The following WDR37 variants were observed in gnomAD, a reference collection of about 807,000 sequenced individuals.
WDR37 encodes WD repeat domain 37.
Under a neutral mutation model 62.9 loss-of-function variants are expected in WDR37, and 19 were observed. The observed-to-expected ratio is 0.30, with a 90% CI of 0.21 to 0.44. The LOEUF (loss-of-function observed/expected upper bound fraction) is 0.44. WDR37 is among the 20% of genes least tolerant of loss of function. The pLI is 1.00. For synonymous variants in WDR37, 250 were observed against 260.9 expected (o/e 0.96, Z 0.40); for missense variants, 474 against 657.6 (o/e 0.72, Z 3.05).
At chr10:1,069,389 A>ATATTTTTTTTTTTTTTTTTTTTTTTTTT in intron 1 of WDR37, among the ~76,000 whole-genome samples, 1 of 95,806 alleles carries the variant, frequency 1.0e-5, no homozygotes, top group East Asian at 3.4e-4. Context: ...ATATATATAT[A>ATATTTTTTTTTTTTTTTTTTTTTTTTTT]TTTTTTTTTT....
chr10:1,080,119 C>A lies in WDR37; in HGVS notation c.331+13C>A. On this transcript the variant is annotated intron_variant, in intron 4 of 13. Transcript: ENST00000263150. ...CTCAAAACAAAAGGTAAGGTGAATCCCATGAAAGTCTTGTCCTGCAGATTA... is the reference window on the plus strand; with the variant it reads ...CTCAAAACAAAAGGTAAGGTGAATCACATGAAAGTCTTGTCCTGCAGATTA... 1 of 1,613,184 alleles carries A rather than the reference C, an allele frequency of 6.2e-7. No homozygotes were observed. Among genetic ancestry groups the A allele is most frequent in the South Asian group, 1.1e-5 (1 of 90,966 alleles).
chr10:1,105,515 T>C lies in WDR37; in HGVS notation c.1103+248T>C, dbSNP rs1834973328. On this transcript the variant is annotated intron_variant, in intron 11 of 13. Transcript: ENST00000263150. The surrounding 1 kb of genome is among the most constrained non-coding windows in gnomAD (Gnocchi z 5.3). ...CTCAAGAAGTTTAATGCAGACAGAATGGGGGAGTGGGTGGAGAGGGTTAGA... is the reference window on the plus strand; with the variant it reads ...CTCAAGAAGTTTAATGCAGACAGAACGGGGGAGTGGGTGGAGAGGGTTAGA... Among the ~76,000 whole-genome samples the C allele has an allele frequency of 1.3e-5, 2 of 152,046 alleles. No homozygotes were observed. Among genetic ancestry groups the C allele is most frequent in the African/African-American group, 4.8e-5 (2 of 41,398 alleles).
At position 1,103,687 on chromosome 10, in the gene WDR37, G is replaced by A. The variant is rs1284681336; in HGVS notation, c.812G>A (p.Arg271His). ...GDVSSDCPTIRVPLTSLKSHQ... is the reference protein window; with the variant it reads ...GDVSSDCPTIHVPLTSLKSHQ... ...GTGTCCAGCGACTGCCCCACCATCC[G>A]CGTCCCACTGACATCCCTCAAGAGC... Residue 271 changes from arginine (R) to histidine (H), a missense_variant, in exon 10 of 14, where the codon CGC (arginine) becomes CAC (histidine). Transcript: ENST00000263150. The surrounding 1 kb of genome is among the most constrained non-coding windows in gnomAD (Gnocchi z 6.3). 2.5e-6 allele frequency: 4 copies of A among 1,614,068 alleles called. No individual in the cohort carries two copies. The highest frequency in any genetic ancestry group is 2.7e-5 in the African/African-American group (2 of 74,918).
intron 1 of WDR37, among the ~76,000 whole-genome samples, chr10:1,060,205 T>C (rs1425494375): frequency 5.3e-5 from 8 of 152,220 alleles, no homozygotes; most frequent in African/African-American, 1.9e-4. Context: ...TGGGTTTCAT[T>C]AATTAGTCGA....
At position 1,084,474 on chromosome 10, in the gene WDR37, G is replaced by T. The variant is rs1433942300; in HGVS notation, c.468G>T (p.Arg156=). The change falls in exon 6 of 14, where the codon CGG becomes CGT. Residue 156 remains arginine, a synonymous_variant. Coordinates refer to ENST00000263150, the MANE Select transcript of WDR37 (RefSeq NM_014023.4). ...TCGTGAAGGAGTACATCGGCCACCG[G>T]GACGGCATCTGGGATGTCAGCGTGG... is the stretch of plus-strand genomic sequence containing the variant. ...CQLVKEYIGH[R]DGIWDVSVAK... 5 of 1,614,072 alleles carry T rather than the reference G, an allele frequency of 3.1e-6. No individual in the cohort carries two copies. Among genetic ancestry groups the T allele is most frequent in the Non-Finnish European group, 4.2e-6 (5 of 1,180,036 alleles).
intron 1 of WDR37, among the ~76,000 whole-genome samples, chr10:1,062,992 A>G (rs1833418901): frequency 6.6e-6 from 1 of 151,576 alleles, no homozygotes; most frequent in Non-Finnish European, 1.5e-5. Flanking sequence ...AGGCTGAGGT[A>G]GGAGAATTGC....
intron 1 of WDR37, among the ~76,000 whole-genome samples, chr10:1,071,490 A>G (rs958116596): frequency 2.0e-5 from 3 of 152,198 alleles, no homozygotes; most frequent in Non-Finnish European, 4.4e-5. Context: ...AAATGCCCAA[A>G]GTGGGTAAAT....
chr10:1,098,090 G>T (rs997352515), intron 9 of WDR37, among the ~76,000 whole-genome samples: 1 of 152,300 alleles, frequency 6.6e-6, no homozygotes, highest in African/African-American at 2.4e-5. Flanking sequence ...GGGACAGGAT[G>T]TTCTCAACTG....
At chr10:1,126,646 A>G (rs1432710747) in intron 13 of WDR37, among the ~76,000 whole-genome samples, 1 of 152,138 alleles carries the variant, frequency 6.6e-6, no homozygotes, top group Non-Finnish European at 1.5e-5. Flanking sequence ...TTCTGTGGAC[A>G]CCAGCTCATG....
intron 3 of WDR37, 92 bp downstream of exon 3, chr10:1,078,095 T>C: frequency 9.9e-7 from 1 of 1,006,022 alleles, no homozygotes; most frequent in Non-Finnish European, 1.4e-6. Context: ...TAGTTTTCTG[T>C]TCTGCTGTAG....
chr10:1,115,536 A>G (rs988854507), intron 11 of WDR37, among the ~76,000 whole-genome samples: 1 of 152,210 alleles, frequency 6.6e-6, no homozygotes, highest in Non-Finnish European at 1.5e-5. Context: ...ATGCTTTTAA[A>G]GGGAAAAGAT....
chr10:1,092,586 C>G (rs1834432441), intron 7 of WDR37, among the ~76,000 whole-genome samples: 1 of 151,824 alleles, frequency 6.6e-6, no homozygotes, highest in Admixed American at 6.6e-5. Context: ...TCTCGATCTC[C>G]TGACCTCGTG....
At position 1,056,763 on chromosome 10, in the gene WDR37, A is replaced by C. The variant is rs1416868393; in HGVS notation, c.-246A>C. The C allele has an allele frequency of 1.3e-5, 2 of 152,110 alleles. No homozygotes were observed. Among genetic ancestry groups the C allele is most frequent in the Admixed American group, 1.3e-4 (2 of 15,272 alleles). 9.4% of individuals were successfully genotyped at this position (152,110 alleles called of 1,614,324 possible). A position where few individuals can be genotyped will look rare whatever the true frequency, so the allele number is the denominator to read the frequency against. On this transcript the variant is annotated 5_prime_UTR_variant, in exon 1 of 14. Coordinates refer to ENST00000263150, the MANE Select transcript of WDR37 (RefSeq NM_014023.4). ...CGGAGGTGTGGGGCGGCTTCCGGAGAACCCAGCGGCGCGGGACTGGGGCGG... is the reference window on the plus strand; with the variant it reads ...CGGAGGTGTGGGGCGGCTTCCGGAGCACCCAGCGGCGCGGGACTGGGGCGG...
At position 1,123,966 on chromosome 10, in the gene WDR37, C is replaced by T. The variant is rs145061687; in HGVS notation, c.1104-252C>T. On this transcript the variant is annotated intron_variant, in intron 11 of 13. Coordinates refer to ENST00000263150, the MANE Select transcript of WDR37 (RefSeq NM_014023.4). ...AACCCTACTTTCTGTAACCTCTCTTCGTTCCGTTGCCTGTAGATGTGGAAT... is the reference window on the plus strand; with the variant it reads ...AACCCTACTTTCTGTAACCTCTCTTTGTTCCGTTGCCTGTAGATGTGGAAT... The T allele has an allele frequency of 2.0e-4, 94 of 464,844 alleles. No individual in the cohort carries two copies. The East Asian group carries it at 3.0e-3, about 15-fold the overall frequency. 28.8% of individuals were successfully genotyped at this position (464,844 alleles called of 1,614,324 possible). A position where few individuals can be genotyped will look rare whatever the true frequency, so the allele number is the denominator to read the frequency against.
At chr10:1,124,452 C>T (rs1228182223) in intron 12 of WDR37, 100 bp downstream of exon 12, 29 of 1,520,954 alleles carry the variant, frequency 1.9e-5, no homozygotes, top group African/African-American at 2.7e-5. Context: ...GATAGAACCC[C>T]GGGAACAATG....
intron 11 of WDR37, chr10:1,123,793 AGTT>A (rs1315535863): frequency 1.9e-5 from 3 of 156,426 alleles, no homozygotes; most frequent in African/African-American, 4.8e-5. Context: ...ATTGATTGAG[AGTT>A]GTTGTTGGAA....
chr10:1,124,832 C>A, intron 12 of WDR37, 78 bp from the exon 13 acceptor site: 1 of 1,546,574 alleles, frequency 6.5e-7, no homozygotes, highest in Non-Finnish European at 8.8e-7. Flanking sequence ...ATGGAACCTC[C>A]TGCTTCATTA....
chr10:1,057,333 G>A (rs1010252540), intron 1 of WDR37, among the ~76,000 whole-genome samples: 4 of 5,358 alleles, frequency 7.5e-4, no homozygotes, highest in Non-Finnish European at 2.0e-3. Context: ...GGGGTTGGGG[G>A]CAGAAGGGTT....
chr10:1,077,780 T>C (rs912255924), intron 2 of WDR37, 127 bp from the exon 3 acceptor site: 1 of 713,666 alleles, frequency 1.4e-6, no homozygotes, highest in African/African-American at 1.9e-5. Context: ...AAGCATTTTA[T>C]ATATAAAAAT....
Sources: allele counts gnomAD v4.1 joint callset (sites outside exome capture counted in the v4.1 genomes callset), GRCh38; gene constraint gnomAD v4.1.1; non-coding constraint Gnocchi (gnomAD v3.1); transcripts MANE v1.5; gene names NCBI Gene and HGNC (gene_info 2026-07-23, HGNC 2026-07-21).